Variants in MYH1 observed in about 807,000 individuals in gnomAD.
The protein encoded by MYH1 is myosin-1.
A neutral mutation model predicts 225.6 loss-of-function variants in MYH1; 214 were observed. The ratio of observed to expected loss-of-function variants is 0.95; its 90% CI spans 0.85 to 1.06. The LOEUF is 1.06. MYH1 is among the 50% of genes least tolerant of loss of function. The pLI is 0.00. For synonymous variants in MYH1, 774 were observed against 842.3 expected (o/e 0.92, Z 1.40); for missense variants, 2,098 against 2,344.2 (o/e 0.89, Z 2.17).
chr17:10,500,348 C>A (rs1409068661), intron 28 of MYH1, among the ~76,000 whole-genome samples: 1 of 150,318 alleles, frequency 6.7e-6, no homozygotes, highest in Non-Finnish European at 1.5e-5. Context: ...TTCTATTTAT[C>A]TCTCTCTCTC....
chr17:10,507,878 G>C lies in MYH1; in HGVS notation c.1968+8C>G, dbSNP rs191664862. 159 of 1,609,572 alleles carry C rather than the reference G, an allele frequency of 9.9e-5. No individual in the cohort carries two copies. In the African/African-American group the frequency reaches 1.8e-3, roughly 19 times the overall value. ...AATCTAATTAGACAGAGAAAATGAAGTTTGTACCCTGAAGAGAGCAGACAC... is the reference window on the plus strand; with the variant it reads ...AATCTAATTAGACAGAGAAAATGAACTTTGTACCCTGAAGAGAGCAGACAC... On this transcript the variant is annotated splice_region_variant and intron_variant, in intron 17 of 39. Transcript: ENST00000226207.
rs1448230822 is a variant in MYH1, at chr17:10,503,047, G to A, written c.2893C>T (p.Leu965=). Residue 965 remains leucine (L), a synonymous_variant, in exon 23 of 40, where the codon CTG becomes TTG. Coordinates refer to ENST00000226207, the MANE Select transcript of MYH1 (RefSeq NM_005963.4). ...KKDIDDLELT[L]AKVEKEKHAT... ...TGTTTCTCCTTCTCAACCTTGGCCA[G>A]TGTCAGCTCAAGGTCATCAATGTCT... 2.5e-6 allele frequency: 4 copies of A among 1,613,740 alleles called. No homozygotes were observed. In the East Asian group the frequency reaches 6.7e-5, roughly 27 times the overall value.
chr17:10,500,696 G>T lies in MYH1; in HGVS notation c.3795C>A (p.Thr1265=). 1.2e-6 allele frequency: 2 copies of T among 1,614,014 alleles called. No homozygotes were observed. Among genetic ancestry groups the T allele is most frequent in the Middle Eastern group, 1.7e-4 (1 of 6,048 alleles). Residue 1265 remains threonine (T), a synonymous_variant, in exon 28 of 40, where the codon ACC becomes ACA. Coordinates refer to ENST00000226207, the MANE Select transcript of MYH1 (RefSeq NM_005963.4). ...ALEDQLSEIK[T]KEEEQQRLIN... ...TCAGCCGCTGCTGCTCCTCTTCCTTGGTCTTAATTTCACTCAGTTGATCTT... is the reference window on the plus strand; with the variant it reads ...TCAGCCGCTGCTGCTCCTCTTCCTTTGTCTTAATTTCACTCAGTTGATCTT...
Position 10,496,352 on chromosome 17 carries a change from G to C in MYH1, c.4854C>G (p.Leu1618=). The part of the protein sequence containing the change: ...EIRSRNDAIR[L]KKKMEGDLNE... ...TGAGGTCTCCCTCCATCTTCTTCTT[G>C]AGCCTAATGGCATCATTCCTGCTCC... Residue 1618 remains leucine (L), a synonymous_variant, in exon 34 of 40, where the codon CTC becomes CTG. Coordinates refer to ENST00000226207, the MANE Select transcript of MYH1 (RefSeq NM_005963.4). The C allele has an allele frequency of 1.2e-6, 2 of 1,613,890 alleles. No homozygotes were observed. Among genetic ancestry groups the C allele is most frequent in the Non-Finnish European group, 1.7e-6 (2 of 1,180,000 alleles).
chr17:10,509,729 G>A, intron 14 of MYH1, 74 bp from the exon 15 acceptor site: 2 of 1,612,778 alleles, frequency 1.2e-6, no homozygotes, highest in South Asian at 2.2e-5. Context: ...TGTTTTTTTA[G>A]TTAGCCAAAT....
chr17:10,506,229 A>G (rs2073111295), intron 17 of MYH1, 130 bp from the exon 18 acceptor site: 1 of 1,188,576 alleles, frequency 8.4e-7, no homozygotes, highest in East Asian at 2.5e-5. Flanking sequence ...AAATTTTCAA[A>G]GAGTTATCTC....
chr17:10,508,532 A>G lies in MYH1; in HGVS notation c.1728T>C (p.Pro576=). ...FQKPKPAKGK[P]EAHFSLIHYA... ...AGTGAATCAAAGAGAAGTGGGCCTC[A>G]GGCTTGCCTTTGGCAGGCTTGGGCT... is the stretch of plus-strand genomic sequence containing the variant. The change falls in exon 16 of 40, where the codon CCT becomes CCC. Residue 576 remains proline (P), a synonymous_variant. Transcript: ENST00000226207. 1 of 1,614,122 alleles carries G rather than the reference A, an allele frequency of 6.2e-7. No homozygotes were observed.
At chr17:10,505,662 C>A (rs1465369968) in intron 19 of MYH1, 150 bp downstream of exon 19, 1 of 1,366,422 alleles carries the variant, frequency 7.3e-7, no homozygotes, top group Admixed American at 2.4e-5. Context: ...ATTCAAAGGA[C>A]TTCAGAGTTT....
intron 5 of MYH1, 78 bp from the exon 6 acceptor site, chr17:10,514,973 G>T: frequency 8.0e-7 from 1 of 1,254,186 alleles, no homozygotes; most frequent in South Asian, 1.2e-5. Flanking sequence ...CAGGGCATTT[G>T]AGTATAAGTG....
In MYH1 at chr17:10,510,674, C is replaced by T. The variant is rs189484778; in HGVS notation, c.1417-1019G>A. Among the ~76,000 whole-genome samples, 15 of 152,194 alleles carry T rather than the reference C, an allele frequency of 9.9e-5. No individual in the cohort carries two copies. In the East Asian group the frequency reaches 1.9e-3, roughly 20 times the overall value. On this transcript the variant is annotated intron_variant, in intron 14 of 39. Coordinates refer to ENST00000226207, the MANE Select transcript of MYH1 (RefSeq NM_005963.4). ...GGGGGATGAATCTGGCAAGCATATG[C>T]GAAGTGCCAGAAGCCAGTCACAAAG...
chr17:10,493,294 C>T (rs977913728), intron 39 of MYH1, among the ~76,000 whole-genome samples: 3 of 152,004 alleles, frequency 2.0e-5, no homozygotes, highest in Non-Finnish European at 4.4e-5. Flanking sequence ...TGGACAGTAG[C>T]GTGTGTGTGT....
At chr17:10,503,779 A>C (rs1160244775) in intron 22 of MYH1, among the ~76,000 whole-genome samples, 1 of 152,240 alleles carries the variant, frequency 6.6e-6, no homozygotes, top group African/African-American at 2.4e-5. Flanking sequence ...CTCTCATTCA[A>C]ACTTACATCC....
chr17:10,513,963 C>T, intron 7 of MYH1, 47 bp downstream of exon 7: 1 of 1,613,862 alleles, frequency 6.2e-7, no homozygotes, highest in Non-Finnish European at 8.5e-7. Flanking sequence ...AATTTCCTAC[C>T]TGAGAGTCCC....
Position 10,512,459 on chromosome 17 carries a change from T to C in MYH1, c.1096A>G (p.Lys366Glu), listed in dbSNP as rs1184714978. 1 of 1,613,920 alleles carries C rather than the reference T, an allele frequency of 6.2e-7. No individual in the cohort carries two copies. Among genetic ancestry groups the C allele is most frequent in the African/African-American group, 1.3e-5 (1 of 74,880 alleles). ...TCCTCACGCTGCTTTTGCTTGAATT[T>C]CATGTTCCCATAATGCATCACAGCC... ...TGAVMHYGNM[K>E]FKQKQREEQA... The change falls in exon 12 of 40, where the codon AAA becomes GAA. Residue 366 changes from lysine to glutamate, a missense_variant. Transcript: ENST00000226207.
At chr17:10,502,167 T>C (rs182581359) in intron 24 of MYH1, among the ~76,000 whole-genome samples, 11 of 152,322 alleles carry the variant, frequency 7.2e-5, no homozygotes, top group African/African-American at 2.6e-4. Context: ...CCCACTGGAA[T>C]CCAATACTTT....
In MYH1 at chr17:10,493,494, T is replaced by G. The variant is rs373616867; in HGVS notation, c.5667+860A>C. Among the ~76,000 whole-genome samples, 30 of 152,336 alleles carry G rather than the reference T, an allele frequency of 2.0e-4. No homozygotes were observed. In the East Asian group the frequency reaches 4.8e-3, roughly 24 times the overall value. On this transcript the variant is annotated intron_variant, in intron 39 of 39. Coordinates refer to ENST00000226207, the MANE Select transcript of MYH1 (RefSeq NM_005963.4). ...GAAACTATTTGATTATTAATCCAGA[T>G]GAATCATGGGATACGGAAATGAGAT...
intron 5 of MYH1, 138 bp downstream of exon 5, chr17:10,515,788 T>G: frequency 7.0e-7 from 1 of 1,430,866 alleles, no homozygotes; most frequent in Non-Finnish European, 9.5e-7. Flanking sequence ...CAGTATATAC[T>G]TCTCTGTGCT....
intron 30 of MYH1, among the ~76,000 whole-genome samples, chr17:10,498,377 TTGTC>T (rs1272164409): frequency 6.6e-6 from 1 of 152,232 alleles, no homozygotes; most frequent in Non-Finnish European, 1.5e-5. Context: ...ATACTTGATT[TTGTC>T]TGTCTAATTG....
chr17:10,494,100 C>T (rs2072962129), intron 39 of MYH1, among the ~76,000 whole-genome samples: 1 of 152,164 alleles, frequency 6.6e-6, no homozygotes, highest in Admixed American at 6.5e-5. Context: ...AGTTGTGGTG[C>T]TTTCCTCCTT....
Sources: gnomAD v4.1 joint callset for allele counts (sites outside exome capture counted in the v4.1 genomes callset) on GRCh38, gnomAD v4.1.1 for gene constraint, MANE v1.5 for transcripts, NCBI Gene and HGNC (gene_info 2026-07-23, HGNC 2026-07-21) for gene names.